Variants in HS3ST1 observed in about 807,000 individuals in gnomAD.
HS3ST1 encodes heparan sulfate glucosamine 3-O-sulfotransferase 1.
A neutral mutation model predicts 20.7 loss-of-function variants in HS3ST1; 8 were observed. The observed-to-expected ratio is 0.39, with a 90% CI of 0.23 to 0.70. The LOEUF (loss-of-function observed/expected upper bound fraction) is 0.70, where lower values mean the gene tolerates loss of function less well. HS3ST1 is among the 30% of genes least tolerant of loss of function. The probability of loss-of-function intolerance (pLI) is 0.46; values close to 1 mark genes in which losing one functional copy is unlikely to be tolerated. For synonymous variants in HS3ST1, 205 were observed against 190.4 expected, an observed-to-expected ratio of 1.08 and a Z score of -0.63; for missense variants, 436 against 423.4, an observed-to-expected ratio of 1.03 and a Z score of -0.26.
At chr4:11,423,603 C>G (rs976093099) in intron 1 of HS3ST1, among the ~76,000 whole-genome samples, 8 of 152,166 alleles carry the variant, frequency 5.3e-5, no homozygotes, top group Admixed American at 1.3e-4. Flanking sequence ...AGGGCGAGGA[C>G]TTCCATCTGT....
chr4:11,425,940 A>G (rs1028839949), intron 1 of HS3ST1, among the ~76,000 whole-genome samples: 1 of 134,312 alleles, frequency 7.4e-6, no homozygotes, highest in Non-Finnish European at 1.5e-5. Flanking sequence ...GGTTGAGGGG[A>G]AAAAAACTGG....
At chr4:11,433,060 A>G (rs78551576), upstream of HS3ST1, among the ~76,000 whole-genome samples, 7,218 of 152,310 alleles carry the variant, frequency 0.047, 375 homozygotes, top group African/African-American at 0.13. Context: ...GTTTTCCTTT[A>G]TGAATCCTGC....
At chr4:11,421,977 T>A (rs1017617061) in intron 1 of HS3ST1, among the ~76,000 whole-genome samples, 4 of 152,206 alleles carry the variant, frequency 2.6e-5, no homozygotes, top group Admixed American at 2.6e-4. Context: ...GTACGAGAGA[T>A]AAAGGAGGCA....
chr4:11,429,205 A>G (rs1286255247), upstream of HS3ST1: 5 of 152,440 alleles, frequency 3.3e-5, no homozygotes, highest in African/African-American at 1.2e-4. Context: ...GTTTCAGTCC[A>G]AGGGGAGGGA....
intron 1 of HS3ST1, among the ~76,000 whole-genome samples, chr4:11,403,423 C>A (rs1718381067): frequency 6.6e-6 from 1 of 152,090 alleles, no homozygotes; most frequent in African/African-American, 2.4e-5. Context: ...CCACCTTGAT[C>A]TTGACAATGA....
intron 1 of HS3ST1, among the ~76,000 whole-genome samples, chr4:11,414,372 A>G (rs532455849): frequency 4.6e-5 from 7 of 152,268 alleles, no homozygotes; most frequent in South Asian, 2.1e-4. Flanking sequence ...TGAGTTTTCA[A>G]GACTTCCTGC....
At chr4:11,403,923 T>C (rs1718395183) in intron 1 of HS3ST1, among the ~76,000 whole-genome samples, 1 of 152,230 alleles carries the variant, frequency 6.6e-6, no homozygotes, top group African/African-American at 2.4e-5. Flanking sequence ...AATGAAACAA[T>C]GTGTGTCAGG....
upstream of HS3ST1, among the ~76,000 whole-genome samples, chr4:11,432,701 G>A (rs190700949): frequency 2.4e-4 from 37 of 152,262 alleles, 1 homozygote; most frequent in Admixed American, 7.8e-4. Context: ...TGATATCCTC[G>A]AATAACTCCA....
At chr4:11,405,595 T>C (rs1046415098) in intron 1 of HS3ST1, among the ~76,000 whole-genome samples, 1 of 152,080 alleles carries the variant, frequency 6.6e-6, no homozygotes, top group Non-Finnish European at 1.5e-5. Flanking sequence ...GACAGGCAAA[T>C]AGCTGGAAGG....
intron 1 of HS3ST1, among the ~76,000 whole-genome samples, chr4:11,419,813 CTCA>C: frequency 6.6e-6 from 1 of 152,264 alleles, no homozygotes; most frequent in Middle Eastern, 3.4e-3. Flanking sequence ...CTTGCTTTCC[CTCA>C]TCATTAATGG....
intron 1 of HS3ST1, among the ~76,000 whole-genome samples, chr4:11,410,943 T>C (rs957472480): frequency 6.6e-6 from 1 of 152,098 alleles, no homozygotes; most frequent in Non-Finnish European, 1.5e-5. Flanking sequence ...AAAATAGCCC[T>C]GGCATTGGGA....
Position 11,399,830 on chromosome 4 carries a change from A to G in HS3ST1, c.176T>C (p.Ile59Thr), listed in dbSNP as rs1195319036. The G allele has an allele frequency of 6.2e-7, 1 of 1,612,842 alleles. No homozygotes were observed. Among genetic ancestry groups the G allele is most frequent in the Non-Finnish European group, 8.5e-7 (1 of 1,179,780 alleles). ...GSAQQLPQTI[I>T]IGVRKGGTRA... ...CGTGCCGCCCTTGCGCACGCCGATG[A>G]TGATGGTCTGCGGCAACTGCTGGGC... is the stretch of plus-strand genomic sequence containing the variant. Residue 59 changes from isoleucine (I) to threonine (T), a missense_variant, in exon 2 of 2, where the codon ATC becomes ACC. By Grantham distance (89) the Ile-to-Thr change is moderately conservative (BLOSUM62 -1). Coordinates refer to ENST00000002596, the MANE Select transcript of HS3ST1 (RefSeq NM_005114.4). This position sits in a 1 kb window ranked among gnomAD's most constrained non-coding sequence, Gnocchi z 5.1.
At chr4:11,423,408 A>C (rs181533933) in intron 1 of HS3ST1, among the ~76,000 whole-genome samples, 69 of 152,356 alleles carry the variant, frequency 4.5e-4, no homozygotes, top group Admixed American at 2.7e-3. Context: ...GGTTATGTTG[A>C]GCCAGAGACT....
chr4:11,410,321 G>A (rs941195383), intron 1 of HS3ST1, among the ~76,000 whole-genome samples: 6 of 152,192 alleles, frequency 3.9e-5, no homozygotes, highest in Non-Finnish European at 7.3e-5. Context: ...GAAAGAGATG[G>A]GAGCTGGCAG....
Position 11,400,022 on chromosome 4 carries a change from G to T in HS3ST1, c.-17C>A. On this transcript the variant is annotated 5_prime_UTR_variant, in exon 2 of 2. Coordinates refer to ENST00000002596, the MANE Select transcript of HS3ST1 (RefSeq NM_005114.4). The stretch of plus-strand genomic sequence containing the variant: ...CGCGGCCATGCTGGACACCACGGTG[G>T]CTTCACTGGGCCGCGCGCCGCTGGG... The T allele has an allele frequency of 4.1e-6, 6 of 1,479,098 alleles. No individual in the cohort carries two copies. The highest frequency in any genetic ancestry group is 4.0e-5 in the South Asian group (3 of 74,400). 91.6% of individuals were successfully genotyped at this position (1,479,098 alleles called of 1,614,324 possible).
chr4:11,399,567 G>T lies in HS3ST1; in HGVS notation c.439C>A (p.Arg147=), dbSNP rs771189478. Residue 147 remains arginine, a synonymous_variant, in exon 2 of 2, where the codon CGA becomes AGA. Coordinates refer to ENST00000002596, the MANE Select transcript of HS3ST1 (RefSeq NM_005114.4). The surrounding 1 kb of genome is among the most constrained non-coding windows in gnomAD (Gnocchi z 5.1). ...NPSIRLLLIL[R]DPSERVLSDY... is the part of the protein sequence containing the mutation. Reference sequence around the variant, plus strand: ...GATAGCACGCGCTCCGACGGGTCTCGCAGGATGAGCAGCAGCCGGATGGAC... The same window carrying T: ...GATAGCACGCGCTCCGACGGGTCTCTCAGGATGAGCAGCAGCCGGATGGAC... The T allele has an allele frequency of 2.9e-5, 47 of 1,613,832 alleles. No homozygotes were observed. The highest frequency in any genetic ancestry group is 3.7e-5 in the Non-Finnish European group (44 of 1,180,022).
intron 1 of HS3ST1, among the ~76,000 whole-genome samples, chr4:11,427,101 T>C (rs977212078): frequency 1.3e-5 from 2 of 152,202 alleles, no homozygotes; most frequent in African/African-American, 4.8e-5. Flanking sequence ...CTCCCTCCTT[T>C]TTTTTTCTTT....
rs137928441 is a variant in HS3ST1, at chr4:11,394,893, T to C, written c.*4189A>G. The C allele has an allele frequency of 6.6e-6, 1 of 152,338 alleles. No homozygotes were observed. Among genetic ancestry groups the C allele is most frequent in the Non-Finnish European group, 1.5e-5 (1 of 68,018 alleles). The allele number at this position is 152,338 out of a possible 1,614,324, so 9.4% of individuals were successfully genotyped here. ...CAATATATTTAAAATACCAAGCACATGGCAGGTGTGCAACAAATGATAGCT... is the reference window on the plus strand; with the variant it reads ...CAATATATTTAAAATACCAAGCACACGGCAGGTGTGCAACAAATGATAGCT... On this transcript the variant is annotated 3_prime_UTR_variant, in exon 2 of 2. Transcript: ENST00000002596.
chr4:11,415,656 C>T (rs1216654491), intron 1 of HS3ST1, among the ~76,000 whole-genome samples: 2 of 152,152 alleles, frequency 1.3e-5, no homozygotes, highest in Non-Finnish European at 2.9e-5. Context: ...CTATTGATAG[C>T]TGTGCAGAGA....
Sources: allele counts gnomAD v4.1 joint callset (sites outside exome capture counted in the v4.1 genomes callset), GRCh38; gene constraint gnomAD v4.1.1; non-coding constraint Gnocchi (gnomAD v3.1); transcripts MANE v1.5; gene names NCBI Gene and HGNC (gene_info 2026-07-23, HGNC 2026-07-21).